SPATA20: variants seen among roughly 807,000 people sequenced by gnomAD.
The protein encoded by SPATA20 is spermatogenesis associated 20.
Under a neutral mutation model 98.9 loss-of-function variants are expected in SPATA20, and 74 were observed. The observed-to-expected ratio is 0.75, with a 90% CI of 0.62 to 0.91. The LOEUF (loss-of-function observed/expected upper bound fraction) is 0.91. SPATA20 is among the 40% of genes least tolerant of loss of function. SPATA20 has a pLI of 0.00. For synonymous variants in SPATA20, 430 were observed against 440.5 expected, an observed-to-expected ratio of 0.98 and a Z score of 0.30; for missense variants, 1,016 against 1,069.8, an observed-to-expected ratio of 0.95 and a Z score of 0.70.
At chr17:50,549,216 A>G in intron 6 of SPATA20, 30 bp downstream of exon 6, 2 of 1,593,918 alleles carry the variant, frequency 1.3e-6, no homozygotes, top group Non-Finnish European at 1.7e-6. Flanking sequence ...TTGGGGGACC[A>G]GGGTGGGGGA....
chr17:50,547,840 C>T (rs2034938786), intron 2 of SPATA20, 73 bp downstream of exon 2: 2 of 910,336 alleles, frequency 2.2e-6, no homozygotes, highest in Non-Finnish European at 3.7e-6. Flanking sequence ...GTCCCAGACC[C>T]TACTGATCTT....
rs1168619231 is a variant in SPATA20, at chr17:50,551,352, G to T, written c.1577-159G>T. On this transcript the variant is annotated intron_variant, in intron 12 of 16. Coordinates refer to ENST00000006658, the MANE Select transcript of SPATA20 (RefSeq NM_022827.4). ...GCTTGAGTAACCCGCCCAAGGTCAC[G>T]CGCAAGGGCTGGGAACCCCGCCATG... The T allele has an allele frequency of 6.9e-6, 8 of 1,164,976 alleles. No individual in the cohort carries two copies. The East Asian group carries it at 2.0e-4, about 29-fold the overall frequency. The allele number at this position is 1,164,976 out of a possible 1,614,324, so 72.2% of individuals were successfully genotyped here.
Position 50,550,011 on chromosome 17 carries a change from T to C in SPATA20, c.889T>C (p.Trp297Arg). The C allele has an allele frequency of 6.4e-7, 1 of 1,562,616 alleles. No individual in the cohort carries two copies. Residue 297 changes from tryptophan (W) to arginine (R), a missense_variant, in exon 8 of 17, where the codon TGG (tryptophan) becomes CGG (arginine). Coordinates refer to ENST00000006658, the MANE Select transcript of SPATA20 (RefSeq NM_022827.4). ...PVILSFLFSY[W>R]LSHRLTQDGS... ...GATCCTGAGCTTCCTGTTCTCCTAC[T>C]GGCTCAGCCATCGACTGACTCAGGA...
At chr17:50,554,173 T>C in intron 14 of SPATA20, 78 bp from the exon 15 acceptor site, 6 of 1,378,838 alleles carry the variant, frequency 4.4e-6, no homozygotes, top group Non-Finnish European at 6.1e-6. Flanking sequence ...CAAGTGGCCC[T>C]GGATACAGTC....
In SPATA20 at chr17:50,550,083, G is replaced by T; in HGVS notation, c.961G>T (p.Ala321Ser). The T allele has an allele frequency of 6.2e-7, 1 of 1,612,234 alleles. No homozygotes were observed. The highest frequency in any genetic ancestry group is 8.5e-7 in the Non-Finnish European group (1 of 1,179,038). The stretch of plus-strand genomic sequence containing the variant: ...GGCCTTGCATACCCTGAAAATGATG[G>T]CTAACGGGGGCATCCGGGACCATGT... Reference protein sequence around the residue: ...QMALHTLKMMANGGIRDHVGQ... With the variant: ...QMALHTLKMMSNGGIRDHVGQ... The change falls in exon 8 of 17, where the codon GCT becomes TCT. Residue 321 changes from alanine to serine, a missense_variant. By Grantham distance (99) the Ala-to-Ser change is moderately conservative. Coordinates refer to ENST00000006658, the MANE Select transcript of SPATA20 (RefSeq NM_022827.4).
At position 50,555,296 on chromosome 17, in the gene SPATA20, TC is replaced by T; in HGVS notation, c.2223del (p.Tyr742ThrfsTer7). On this transcript the variant is annotated frameshift_variant, in exon 16 of 17. Transcript: ENST00000006658. LOFTEE classifies it high-confidence loss of function. ...GCCCTGGTGCAGTGCGTCCACTCTG[TC>T]TACATTCCTAACAAGGTACCCATCC... is the stretch of plus-strand genomic sequence containing the variant. The part of the protein sequence containing the change: ...TKALVQCVHS[V>X]YIPNKVLILA... 6.2e-7 allele frequency: 1 copy of T among 1,613,934 alleles called. No homozygotes were observed. The highest frequency in any genetic ancestry group is 8.5e-7 in the Non-Finnish European group (1 of 1,179,918).
Position 50,551,018 on chromosome 17 carries a change from G to C in SPATA20, c.1404G>C (p.Gln468His). 1 of 1,613,392 alleles carries C rather than the reference G, an allele frequency of 6.2e-7. No individual in the cohort carries two copies. Among genetic ancestry groups the C allele is most frequent in the Non-Finnish European group, 8.5e-7 (1 of 1,180,002 alleles). The change falls in exon 12 of 17, where the codon CAG (glutamine) becomes CAC (histidine). Residue 468 changes from glutamine to histidine, a missense_variant. Gln to His is a conservative substitution (Grantham distance 24, BLOSUM62 0). Transcript: ENST00000006658. Reference protein sequence around the residue: ...SPSQDPKGELQGQNVLTVRYS... With the variant: ...SPSQDPKGELHGQNVLTVRYS... ...CTCAGGACCCCAAGGGGGAGCTGCA[G>C]GGCCAGAATGTGCTGACCGTCCGGT...
chr17:50,549,635 G>A (rs962899906), intron 7 of SPATA20, 148 bp downstream of exon 7: 52 of 793,710 alleles, frequency 6.6e-5, no homozygotes, highest in Admixed American at 1.1e-4. Context: ...GGTAGCTATC[G>A]GTGAAGACCC....
chr17:50,551,679 G>A lies in SPATA20; in HGVS notation c.1745G>A (p.Ser582Asn). 9 of 1,586,594 alleles carry A rather than the reference G, an allele frequency of 5.7e-6. No individual in the cohort carries two copies. The highest frequency in any genetic ancestry group is 6.9e-6 in the Non-Finnish European group (8 of 1,158,338). Residue 582 changes from serine (S) to asparagine (N), a missense_variant and splice_region_variant, in exon 13 of 17, where the codon AGC (serine) becomes AAC (asparagine). Transcript: ENST00000006658. ...YTGPGGTVEH[S>N]NPPCWGFLED... Reference sequence around the variant, plus strand: ...GGCCCTGGGGGGACTGTGGAGCACAGGTTGGGGGCTGGGTAGACCGGGAGG... The same window carrying A: ...GGCCCTGGGGGGACTGTGGAGCACAAGTTGGGGGCTGGGTAGACCGGGAGG...
Position 50,555,329 on chromosome 17 carries a change from G to A in SPATA20, c.2238+17G>A. On this transcript the variant is annotated intron_variant, in intron 16 of 16. Coordinates refer to ENST00000006658, the MANE Select transcript of SPATA20 (RefSeq NM_022827.4). Reference sequence around the variant, plus strand: ...CCTAACAAGGTACCCATCCCTGTGAGCCCAATCTGCCACCTCCCCAGAGCT... The same window carrying A: ...CCTAACAAGGTACCCATCCCTGTGAACCCAATCTGCCACCTCCCCAGAGCT... 6.2e-7 allele frequency: 1 copy of A among 1,611,082 alleles called. No homozygotes were observed.
chr17:50,549,928 C>T (rs2034983391), intron 7 of SPATA20, 57 bp from the exon 8 acceptor site: 13 of 1,515,786 alleles, frequency 8.6e-6, no homozygotes, highest in South Asian at 1.3e-5. Context: ...CTGACCACCC[C>T]GATCTCTGTC....
At position 50,551,190 on chromosome 17, in the gene SPATA20, G is replaced by A. The variant is rs754842639; in HGVS notation, c.1576G>A (p.Gly526Ser). Residue 526 changes from glycine to serine, a missense_variant and splice_region_variant, in exon 12 of 17, where the codon GGC becomes AGC. Coordinates refer to ENST00000006658, the MANE Select transcript of SPATA20 (RefSeq NM_022827.4). ...CAGCAAGATGCTGGCTGCCTGGAATGGTGGGGCAGCACACCTGAGACCGAG... is the reference window on the plus strand; with the variant it reads ...CAGCAAGATGCTGGCTGCCTGGAATAGTGGGGCAGCACACCTGAGACCGAG... ...LDSKMLAAWN[G>S]LMVSGYAVTG... The A allele has an allele frequency of 1.9e-6, 3 of 1,607,750 alleles. No individual in the cohort carries two copies. Among genetic ancestry groups the A allele is most frequent in the African/African-American group, 2.7e-5 (2 of 74,932 alleles).
At chr17:50,549,597 G>A in intron 7 of SPATA20, 110 bp downstream of exon 7, 3 of 1,140,278 alleles carry the variant, frequency 2.6e-6, no homozygotes, top group Non-Finnish European at 3.7e-6. Flanking sequence ...CTCCTGACTG[G>A]CAGTGACCTC....
At chr17:50,547,438 C>A in intron 1 of SPATA20, 153 bp downstream of exon 1, 1 of 663,004 alleles carries the variant, frequency 1.5e-6, no homozygotes, top group Non-Finnish European at 2.6e-6. Flanking sequence ...CTCCTGAGAC[C>A]TGGCTCTGGC....
chr17:50,550,782 CTA>C lies in SPATA20; in HGVS notation c.1250_1251del (p.Tyr417CysfsTer39). ...RGQRPKEGAY[Y>X]VWTVKEVQQL... ...GCCAGCGGCCCAAAGAGGGCGCCTA[CTA>C]TGTGTGGACGGTCAAAGAGGTTCAG... is the stretch of plus-strand genomic sequence containing the variant. On this transcript the variant is annotated frameshift_variant, in exon 11 of 17. Transcript: ENST00000006658. LOFTEE classifies it high-confidence loss of function. The C allele has an allele frequency of 1.2e-6, 2 of 1,613,146 alleles. No homozygotes were observed. Among genetic ancestry groups the C allele is most frequent in the Non-Finnish European group, 1.7e-6 (2 of 1,180,044 alleles).
chr17:50,555,256 G>A lies in SPATA20; in HGVS notation c.2182G>A (p.Ala728Thr). 6.2e-7 allele frequency: 1 copy of A among 1,613,934 alleles called. No homozygotes were observed. The highest frequency in any genetic ancestry group is 8.5e-7 in the Non-Finnish European group (1 of 1,179,944). The change falls in exon 16 of 17, where the codon GCC becomes ACC. Residue 728 changes from alanine (A) to threonine (T), a missense_variant. Ala to Thr is a moderately conservative substitution (Grantham distance 58). Transcript: ENST00000006658. ...GATCGTGATCTGTGGAGACCGTCAG[G>A]CCAAGGACACCAAGGCCCTGGTGCA... ...KQIVICGDRQ[A>T]KDTKALVQCV... is the part of the protein sequence containing the mutation.
Position 50,555,671 on chromosome 17 carries a change from A to AC in SPATA20, c.*14dup. ...AACTACTACATCCATGACTGCCCCA[A>AC]CCCCCTTGGGGTGGGGCAGAAGGTG... On this transcript the variant is annotated 3_prime_UTR_variant, in exon 17 of 17. Coordinates refer to ENST00000006658, the MANE Select transcript of SPATA20 (RefSeq NM_022827.4). The AC allele has an allele frequency of 6.2e-7, 1 of 1,610,108 alleles. No homozygotes were observed. The highest frequency in any genetic ancestry group is 8.5e-7 in the Non-Finnish European group (1 of 1,177,694).
At position 50,547,208 on chromosome 17, in the gene SPATA20, C is replaced by T; in HGVS notation, c.-1C>T. The T allele has an allele frequency of 3.5e-6, 5 of 1,429,148 alleles. 1 individual carries two copies. In the South Asian group the frequency reaches 4.3e-5, roughly 12 times the overall value. The allele number at this position is 1,429,148 out of a possible 1,614,324, so 88.5% of individuals were successfully genotyped here. On this transcript the variant is annotated 5_prime_UTR_variant, in exon 1 of 17. Transcript: ENST00000006658. Reference sequence around the variant, plus strand: ...GGCCGGGCCCACGGCCCCGAGCAGCCATGCTGGGCGCGCGGGCCTGGTTGG... The same window carrying T: ...GGCCGGGCCCACGGCCCCGAGCAGCTATGCTGGGCGCGCGGGCCTGGTTGG...
chr17:50,555,786 G>T lies in SPATA20; in HGVS notation c.*124G>T, dbSNP rs1471365446. 6 of 825,698 alleles carry T rather than the reference G, an allele frequency of 7.3e-6. No homozygotes were observed. The allele number at this position is 825,698 out of a possible 1,614,324, so 51.1% of individuals were successfully genotyped here. On this transcript the variant is annotated 3_prime_UTR_variant, in exon 17 of 17. Coordinates refer to ENST00000006658, the MANE Select transcript of SPATA20 (RefSeq NM_022827.4). ...AGCACCCTGCCACCAGGTGACCTCG[G>T]CCATACTCACTGCCCCCCTTGGGCA...
Sources: gnomAD v4.1 joint callset for allele counts on GRCh38, gnomAD v4.1.1 for gene constraint, MANE v1.5 for transcripts, NCBI Gene and HGNC (gene_info 2026-07-23, HGNC 2026-07-21) for gene names.